INTS12: variants seen among roughly 807,000 people sequenced by gnomAD.
INTS12 encodes integrator complex subunit 12.
A neutral mutation model predicts 41.6 loss-of-function variants in INTS12; 13 were observed. That is an observed-to-expected ratio of 0.31 (90% CI 0.20 to 0.50). The LOEUF (loss-of-function observed/expected upper bound fraction) is 0.50, where lower values mean the gene tolerates loss of function less well. Among genes scored for constraint, INTS12 ranks in the 20% least tolerant of loss-of-function variants. The pLI, the probability that INTS12 is intolerant of heterozygous loss-of-function variation, is 0.98. For missense variants in INTS12, 432 were observed against 541.6 expected (o/e 0.80, Z 2.01); for synonymous variants, 199 against 191.4 (o/e 1.04, Z -0.33).
intron 7 of INTS12, among the ~76,000 whole-genome samples, chr4:105,685,394 A>G (rs1731467011): frequency 6.6e-6 from 1 of 152,198 alleles, no homozygotes; most frequent in Admixed American, 6.5e-5. Context: ...ATTACTTTCA[A>G]TAAACTGGTT....
chr4:105,686,907 C>T (rs1440351030), intron 6 of INTS12, 69 bp from the exon 7 acceptor site: 1 of 1,323,272 alleles, frequency 7.6e-7, no homozygotes, highest in East Asian at 2.3e-5. Context: ...AATAATCCCT[C>T]ACAGGACTCA....
chr4:105,699,676 G>A (rs1402101839), intron 3 of INTS12, among the ~76,000 whole-genome samples, 174 bp downstream of exon 3: 1 of 152,106 alleles, frequency 6.6e-6, no homozygotes, highest in Admixed American at 6.6e-5. Flanking sequence ...TTTCTATGTG[G>A]TGTAACAGTT....
chr4:105,696,130 C>T (rs1218473254), intron 3 of INTS12, among the ~76,000 whole-genome samples: 4 of 152,132 alleles, frequency 2.6e-5, no homozygotes, highest in African/African-American at 7.2e-5. Context: ...GGATTAAAGA[C>T]GTGTACCACC....
At chr4:105,706,330 C>G (rs1732261874) in intron 1 of INTS12, 1 of 148,486 alleles carries the variant, frequency 6.7e-6, no homozygotes. Flanking sequence ...TCATGGCTCA[C>G]TGCAGCCTCG....
chr4:105,700,094 T>C (rs1732009670), intron 2 of INTS12, 80 bp from the exon 3 acceptor site: 2 of 965,628 alleles, frequency 2.1e-6, no homozygotes, highest in South Asian at 2.6e-5. Context: ...TGTTTTTTAA[T>C]TTGTAATAGA....
At chr4:105,691,717 T>G (rs549546202) in intron 6 of INTS12, among the ~76,000 whole-genome samples, 49 of 152,312 alleles carry the variant, frequency 3.2e-4, no homozygotes, top group African/African-American at 1.2e-3. Flanking sequence ...GTAAGGAATA[T>G]TCATAATTTG....
At chr4:105,698,266 T>C (rs1329091914) in intron 3 of INTS12, among the ~76,000 whole-genome samples, 2 of 152,242 alleles carry the variant, frequency 1.3e-5, no homozygotes, top group East Asian at 1.9e-4. Context: ...CTTGGAGACC[T>C]GGTAATGTTA....
rs761181547 is a variant in INTS12, at chr4:105,693,750, T to C, written c.310-264A>G. On this transcript the variant is annotated intron_variant, in intron 4 of 7. Coordinates refer to ENST00000340139, the MANE Select transcript of INTS12 (RefSeq NM_020395.4). ...TTGTATTTCTCTTTGTACTCTTCTA[T>C]CTACTAAAGAATTATGGAAGATCGA... Among the ~76,000 whole-genome samples, 8 of 152,348 alleles carry C rather than the reference T, an allele frequency of 5.3e-5. No individual in the cohort carries two copies. In the South Asian group the frequency reaches 8.3e-4, roughly 16 times the overall value.
At chr4:105,693,564 G>A (rs1290213591) in intron 4 of INTS12, 78 bp from the exon 5 acceptor site, 3 of 1,218,052 alleles carry the variant, frequency 2.5e-6, no homozygotes, top group African/African-American at 1.5e-5. Flanking sequence ...CGAGTGAGAA[G>A]GACAATTGGC....
rs757103902 is a variant in INTS12, at chr4:105,691,999, A to G, written c.634T>C (p.Cys212Arg). 6.3e-7 allele frequency: 1 copy of G among 1,577,784 alleles called. No individual in the cohort carries two copies. The highest frequency in any genetic ancestry group is 2.4e-5 in the East Asian group (1 of 42,428). The change falls in exon 6 of 8, where the codon TGT (cysteine) becomes CGT (arginine). Residue 212 changes from cysteine to arginine, a missense_variant. Transcript: ENST00000340139. Reference protein sequence around the residue: ...DPRLVWYCARCTRQMKRMAQK... With the variant: ...DPRLVWYCARRTRQMKRMAQK... ...ACCATTCTTTTCATTTGTCTGGTAC[A>G]TCGGGCACAATACCACACCAGGCGA...
At chr4:105,695,290 A>G (rs1212098656) in intron 4 of INTS12, among the ~76,000 whole-genome samples, 1 of 152,056 alleles carries the variant, frequency 6.6e-6, no homozygotes, top group African/African-American at 2.4e-5. Flanking sequence ...TAGGACTCAA[A>G]TATTTATTGA....
chr4:105,708,101 C>T (rs1205204502), intron 1 of INTS12: 2 of 985,276 alleles, frequency 2.0e-6, no homozygotes, highest in Middle Eastern at 5.2e-4. Flanking sequence ...TTTAAAGATG[C>T]TGCCTTTTTC....
chr4:105,689,632 G>A (rs1731615991), intron 6 of INTS12, among the ~76,000 whole-genome samples: 1 of 152,146 alleles, frequency 6.6e-6, no homozygotes, highest in African/African-American at 2.4e-5. Flanking sequence ...GCCTGGCATG[G>A]TGGCTCATGC....
chr4:105,686,339 T>C (rs1474950478), intron 7 of INTS12, among the ~76,000 whole-genome samples: 4 of 152,190 alleles, frequency 2.6e-5, no homozygotes, highest in South Asian at 2.1e-4. Context: ...TCCACCCGCC[T>C]TGGCCTCCCA....
rs1460790166 is a variant in INTS12 at position 105,699,924 on chromosome 4, C to G, written c.82G>C (p.Ala28Pro). 2 of 1,562,086 alleles carry G rather than the reference C, an allele frequency of 1.3e-6. No individual in the cohort carries two copies. Among genetic ancestry groups the G allele is most frequent in the Non-Finnish European group, 1.7e-6 (2 of 1,142,864 alleles). ...GFLHSKSKDS[A>P]EKLKALLDES... ...TCAAGCAGTGCTTTTAGCTTTTCAG[C>G]AGAATCTTTACTCTTTGAATGCAAG... is the stretch of plus-strand genomic sequence containing the variant. The change falls in exon 3 of 8, where the codon GCT becomes CCT. Residue 28 changes from alanine (A) to proline (P), a missense_variant. Ala to Pro is a conservative substitution (Grantham distance 27, BLOSUM62 -1). Around this residue, in one of 3 missense-constraint regions of INTS12, gnomAD observed 168 missense variants for 198.9 expected, o/e 0.84. Transcript: ENST00000340139.
At chr4:105,706,478 G>A (rs1280480969) in intron 1 of INTS12, 1 of 151,892 alleles carries the variant, frequency 6.6e-6, no homozygotes, top group Non-Finnish European at 1.5e-5. Flanking sequence ...GCTCTTATCT[G>A]GTCTCAAACA....
intron 2 of INTS12, among the ~76,000 whole-genome samples, chr4:105,701,876 C>A (rs1340501482): frequency 6.6e-6 from 1 of 152,162 alleles, no homozygotes; most frequent in East Asian, 1.9e-4. Flanking sequence ...TGTATTTCTA[C>A]AATCACAGGT....
chr4:105,707,711 T>C (rs1022040079), intron 1 of INTS12, among the ~76,000 whole-genome samples: 6 of 152,226 alleles, frequency 3.9e-5, no homozygotes, highest in Admixed American at 1.3e-4. Flanking sequence ...GTCTGTAAAC[T>C]TGATGACAGC....
intron 1 of INTS12, chr4:105,706,059 G>A (rs1337203942): frequency 1.3e-5 from 2 of 151,984 alleles, no homozygotes; most frequent in East Asian, 1.9e-4. Flanking sequence ...CAACTTTTCT[G>A]TTTTTCCTCT....
Sources: allele counts gnomAD v4.1 joint callset (sites outside exome capture counted in the v4.1 genomes callset), GRCh38; gene constraint gnomAD v4.1.1; regional missense constraint gnomAD v4.1.1; transcripts MANE v1.5; gene names NCBI Gene and HGNC (gene_info 2026-07-23, HGNC 2026-07-21).